Variants in ZDHHC20 observed in about 807,000 individuals in gnomAD.
ZDHHC20 encodes the protein zDHHC palmitoyltransferase 20.
ZDHHC20 carries 43 observed loss-of-function variants against 57.8 expected under a neutral mutation model. The ratio of observed to expected loss-of-function variants is 0.74; its 90% CI spans 0.58 to 0.96. The LOEUF (loss-of-function observed/expected upper bound fraction) is 0.96. ZDHHC20 is among the 40% of genes least tolerant of loss of function. The pLI, the probability that ZDHHC20 is intolerant of heterozygous loss-of-function variation, is 0.00. For missense variants in ZDHHC20, 391 were observed against 441.1 expected (o/e 0.89, Z 1.02); for synonymous variants, 157 against 153.0 (o/e 1.03, Z -0.19).
chr13:21,438,232 C>T (rs752681417), intron 1 of ZDHHC20, among the ~76,000 whole-genome samples: 2 of 152,204 alleles, frequency 1.3e-5, no homozygotes, highest in Non-Finnish European at 2.9e-5. Context: ...ATAAGGCTAT[C>T]GATGCCACAG....
intron 1 of ZDHHC20, among the ~76,000 whole-genome samples, chr13:21,429,439 C>G (rs1006287195): frequency 1.6e-4 from 25 of 152,280 alleles, no homozygotes; most frequent in African/African-American, 6.0e-4. Context: ...TGTACTACTT[C>G]CTTCTAAATT....
At chr13:21,447,711 G>A (rs1484346887) in intron 1 of ZDHHC20, among the ~76,000 whole-genome samples, 4 of 110,514 alleles carry the variant, frequency 3.6e-5, no homozygotes, top group African/African-American at 1.3e-4. Flanking sequence ...CACCCCGTCT[G>A]GGAAGTGAGG....
At chr13:21,396,750 T>C (rs369932829) in intron 7 of ZDHHC20, among the ~76,000 whole-genome samples, 2 of 151,916 alleles carry the variant, frequency 1.3e-5, no homozygotes, top group East Asian at 1.9e-4. Context: ...GGAAAATCAC[T>C]TGAATCCAGG....
intron 8 of ZDHHC20, among the ~76,000 whole-genome samples, chr13:21,388,875 G>A (rs1566067972): frequency 6.6e-6 from 1 of 152,128 alleles, no homozygotes; most frequent in Non-Finnish European, 1.5e-5. Context: ...AAGATGTAAG[G>A]AGCTGTTTTT....
chr13:21,397,214 G>A (rs1218486008), intron 7 of ZDHHC20, among the ~76,000 whole-genome samples: 22 of 151,908 alleles, frequency 1.4e-4, no homozygotes, highest in Admixed American at 1.4e-3. Flanking sequence ...GGCCAACATG[G>A]TAAAACCCCG....
chr13:21,416,472 T>C (rs1281158702), intron 3 of ZDHHC20, among the ~76,000 whole-genome samples: 5 of 152,306 alleles, frequency 3.3e-5, no homozygotes, highest in African/African-American at 1.2e-4. Context: ...AAGAGTGAGG[T>C]GTTGTCCCAG....
chr13:21,440,648 G>GTATA (rs1359347866), intron 1 of ZDHHC20, among the ~76,000 whole-genome samples: 1 of 106,856 alleles, frequency 9.4e-6, no homozygotes, highest in Non-Finnish European at 2.5e-5. Flanking sequence ...GTGTGTGTGT[G>GTATA]TATATATATA....
intron 2 of ZDHHC20, 101 bp from the exon 3 acceptor site, chr13:21,421,265 A>G: frequency 1.2e-6 from 1 of 806,666 alleles, no homozygotes; most frequent in East Asian, 2.7e-5. Context: ...CGAATCCAAT[A>G]AACAATTAAA....
At chr13:21,389,747 CACT>C (rs1390703450) in intron 8 of ZDHHC20, among the ~76,000 whole-genome samples, 1 of 152,110 alleles carries the variant, frequency 6.6e-6, no homozygotes, top group Non-Finnish European at 1.5e-5. Context: ...GGCAGTCCAC[CACT>C]GCTTAGCTCC....
rs1477780532 is a variant in ZDHHC20, at chr13:21,459,219, G to A, written c.-48C>T. On this transcript the variant is annotated 5_prime_UTR_variant, in exon 1 of 13. Transcript: ENST00000400590. ...CCCGCGTCCCACCGTTCTGGGGAGCGCGGGAGCCCCGGCGACGGTGACTCG... is the reference window on the plus strand; with the variant it reads ...CCCGCGTCCCACCGTTCTGGGGAGCACGGGAGCCCCGGCGACGGTGACTCG... 2.7e-6 allele frequency: 4 copies of A among 1,477,528 alleles called. No individual in the cohort carries two copies. The highest frequency in any genetic ancestry group is 5.2e-5 in the East Asian group (2 of 38,168). 91.5% of individuals were successfully genotyped at this position (1,477,528 alleles called of 1,614,324 possible).
At chr13:21,452,413 A>G (rs1324801546) in intron 1 of ZDHHC20, among the ~76,000 whole-genome samples, 2 of 152,216 alleles carry the variant, frequency 1.3e-5, no homozygotes, top group Non-Finnish European at 1.5e-5. Context: ...TTTTACAAAC[A>G]TACAAAAACT....
At chr13:21,443,137 A>G (rs1883345938) in intron 1 of ZDHHC20, among the ~76,000 whole-genome samples, 1 of 152,120 alleles carries the variant, frequency 6.6e-6, no homozygotes, top group African/African-American at 2.4e-5. Flanking sequence ...GTATCCTTCC[A>G]GCTATTTCCT....
intron 1 of ZDHHC20, among the ~76,000 whole-genome samples, chr13:21,441,447 G>A (rs1288627507): frequency 3.3e-5 from 5 of 149,732 alleles, no homozygotes; most frequent in South Asian, 2.1e-4. Flanking sequence ...GTGCAGTGGC[G>A]CGATCTCCAC....
chr13:21,435,623 A>G (rs1252531998), intron 1 of ZDHHC20, among the ~76,000 whole-genome samples: 1 of 152,206 alleles, frequency 6.6e-6, no homozygotes, highest in Admixed American at 6.6e-5. Context: ...GGAGAAGGAT[A>G]ATCTCTTCCA....
intron 1 of ZDHHC20, among the ~76,000 whole-genome samples, chr13:21,427,943 C>T (rs1229652210): frequency 6.6e-6 from 1 of 150,532 alleles, no homozygotes; most frequent in African/African-American, 2.4e-5. Context: ...TATATTCCTA[C>T]AACACTTTAT....
chr13:21,376,777 C>CTTA (rs1872152547), intron 12 of ZDHHC20, 122 bp from the exon 13 acceptor site: 2 of 525,648 alleles, frequency 3.8e-6, no homozygotes, highest in Non-Finnish European at 6.5e-6. Context: ...AAATGAATTC[C>CTTA]TTAACACTAC....
chr13:21,416,203 C>CAAAAAAAA (rs55796229), intron 3 of ZDHHC20, among the ~76,000 whole-genome samples: 2 of 71,766 alleles, frequency 2.8e-5, no homozygotes, highest in African/African-American at 5.1e-5. Flanking sequence ...GACTCCATCT[C>CAAAAAAAA]AAAAAAAAAA....
chr13:21,409,173 A>C (rs2137837729), intron 4 of ZDHHC20, among the ~76,000 whole-genome samples: 1 of 152,300 alleles, frequency 6.6e-6, no homozygotes, highest in South Asian at 2.1e-4. Flanking sequence ...GAATAGTTTT[A>C]GAAGGAATGG....
intron 7 of ZDHHC20, 109 bp downstream of exon 7, chr13:21,400,264 C>A: frequency 9.5e-7 from 1 of 1,052,768 alleles, no homozygotes. Context: ...AAAACTCTAA[C>A]TTGTAAAATT....
Sources: allele counts gnomAD v4.1 joint callset (sites outside exome capture counted in the v4.1 genomes callset), GRCh38; gene constraint gnomAD v4.1.1; transcripts MANE v1.5; gene names NCBI Gene and HGNC (gene_info 2026-07-23, HGNC 2026-07-21).